The following FBP1 variants were observed in gnomAD, a reference collection of about 807,000 sequenced individuals.
FBP1 encodes the protein fructose-1,6-bisphosphatase 1.
Under a neutral mutation model 29.9 loss-of-function variants are expected in FBP1, and 22 were observed. That is an observed-to-expected ratio of 0.74 (90% CI 0.53 to 1.05). The LOEUF (loss-of-function observed/expected upper bound fraction) is 1.05, where lower values mean the gene tolerates loss of function less well. Ranked by LOEUF, FBP1 falls within the 50% of genes least tolerant of loss-of-function variation. FBP1 has a pLI of 0.00. For missense variants in FBP1, 345 were observed against 448.2 expected, an observed-to-expected ratio of 0.77 and a Z score of 2.08; for synonymous variants, 175 against 178.6, an observed-to-expected ratio of 0.98 and a Z score of 0.16.
chr9:94,639,217 T>A lies in FBP1; in HGVS notation c.94A>T (p.Thr32Ser). ...GRKARGTGEL[T>S]QLLNSLCTAV... The stretch of plus-strand genomic sequence containing the variant: ...GTGCAGAGCGAGTTGAGCAGCTGGG[T>A]CAACTCGCCCGTGCCGCGGGCCTTC... The change falls in exon 1 of 7, where the codon ACC becomes TCC. Residue 32 changes from threonine (T) to serine (S), a missense_variant. Transcript: ENST00000375326. 1 of 1,601,104 alleles carries A rather than the reference T, an allele frequency of 6.2e-7. No homozygotes were observed. The highest frequency in any genetic ancestry group is 1.1e-5 in the South Asian group (1 of 88,852).
intron 3 of FBP1, among the ~76,000 whole-genome samples, chr9:94,615,111 T>C (rs1408818031): frequency 6.6e-6 from 1 of 152,122 alleles, no homozygotes; most frequent in African/African-American, 2.4e-5. Context: ...GGTTTCACCG[T>C]GTTAGCCAGG....
intron 1 of FBP1, among the ~76,000 whole-genome samples, chr9:94,632,108 C>T (rs1163248137): frequency 1.3e-5 from 2 of 152,104 alleles, no homozygotes; most frequent in Non-Finnish European, 2.9e-5. Flanking sequence ...TAAGCCTAAA[C>T]GTGTATTAGC....
chr9:94,614,369 T>C (rs1436995784), intron 3 of FBP1, among the ~76,000 whole-genome samples: 2 of 151,110 alleles, frequency 1.3e-5, no homozygotes, highest in Non-Finnish European at 3.0e-5. Flanking sequence ...TGAAACCCCG[T>C]CTCTACTAAA....
chr9:94,621,398 A>AAAAAAAAAAAAAATATAT (rs58726402), intron 1 of FBP1, among the ~76,000 whole-genome samples: 1 of 146,158 alleles, frequency 6.8e-6, no homozygotes, highest in African/African-American at 2.6e-5. Context: ...TCCGTCTAAA[A>AAAAAAAAAAAAAATATAT]ATATATATAT....
chr9:94,639,989 C>T, upstream of FBP1: 1 of 159,766 alleles, frequency 6.3e-6, no homozygotes, highest in Non-Finnish European at 1.4e-5. Context: ...CTCTGCCTGG[C>T]CTGTCACCTG....
intron 3 of FBP1, among the ~76,000 whole-genome samples, chr9:94,616,281 G>T (rs903377807): frequency 3.3e-5 from 5 of 152,148 alleles, no homozygotes; most frequent in South Asian, 4.2e-4. Context: ...GACTTAGAAG[G>T]GGGTGATGGG....
chr9:94,604,486 TAA>T (rs5899226), intron 6 of FBP1, among the ~76,000 whole-genome samples: 1 of 143,450 alleles, frequency 7.0e-6, no homozygotes, highest in African/African-American at 2.6e-5. Context: ...CCTCTTGCAT[TAA>T]AAAAAAAAAA....
chr9:94,607,068 C>G, intron 4 of FBP1, 116 bp from the exon 5 acceptor site: 1 of 1,414,484 alleles, frequency 7.1e-7, no homozygotes. Context: ...CGCACGGGCA[C>G]CACTCATCTT....
intron 3 of FBP1, among the ~76,000 whole-genome samples, chr9:94,613,787 A>AG (rs1013696172): frequency 2.1e-5 from 3 of 145,360 alleles, no homozygotes; most frequent in Admixed American, 6.8e-5. Context: ...AAAAAGAAGA[A>AG]AAAAAAAAGG....
At chr9:94,628,076 G>A (rs921837384) in intron 1 of FBP1, among the ~76,000 whole-genome samples, 24 of 152,206 alleles carry the variant, frequency 1.6e-4, no homozygotes, top group Admixed American at 1.6e-3. Context: ...CCAAGGAAAT[G>A]TTTTCTGAAT....
At position 94,610,005 on chromosome 9, in the gene FBP1, C is replaced by T; in HGVS notation, c.483G>A (p.Val161=). ...KDALQPGRNL[V]AAGYALYGSA... ...TGCCATACAGTGCGTAGCCGGCTGCCACCAGGTTCCGGCCTGGTTGCAGAG... is the reference window on the plus strand; with the variant it reads ...TGCCATACAGTGCGTAGCCGGCTGCTACCAGGTTCCGGCCTGGTTGCAGAG... Residue 161 remains valine, a synonymous_variant, in exon 4 of 7, where the codon GTG becomes GTA. Coordinates refer to ENST00000375326, the MANE Select transcript of FBP1 (RefSeq NM_000507.4). 1 of 1,614,078 alleles carries T rather than the reference C, an allele frequency of 6.2e-7. No individual in the cohort carries two copies. Among genetic ancestry groups the T allele is most frequent in the Admixed American group, 1.7e-5 (1 of 60,034 alleles).
chr9:94,634,405 T>TG (rs1563989466), intron 1 of FBP1, among the ~76,000 whole-genome samples: 1 of 152,220 alleles, frequency 6.6e-6, no homozygotes, highest in Non-Finnish European at 1.5e-5. Flanking sequence ...TCTCGTCTTC[T>TG]GGAACTTTGT....
chr9:94,614,966 T>A (rs1164877082), intron 3 of FBP1, among the ~76,000 whole-genome samples: 1 of 152,162 alleles, frequency 6.6e-6, no homozygotes, highest in East Asian at 1.9e-4. Context: ...TGGAGTGCAG[T>A]GGTGCGATCT....
intron 1 of FBP1, among the ~76,000 whole-genome samples, chr9:94,623,772 T>C (rs577863406): frequency 6.6e-6 from 1 of 152,338 alleles, no homozygotes; most frequent in South Asian, 2.1e-4. Context: ...GGGGAACCGT[T>C]CTAGATGCTG....
chr9:94,617,669 A>G, intron 3 of FBP1, 99 bp downstream of exon 3: 1 of 786,640 alleles, frequency 1.3e-6, no homozygotes, highest in South Asian at 1.4e-5. Context: ...TCACAGTTTC[A>G]TGATCTCCAC....
intron 1 of FBP1, among the ~76,000 whole-genome samples, chr9:94,634,421 G>T (rs895373096): frequency 1.3e-5 from 2 of 152,110 alleles, no homozygotes; most frequent in African/African-American, 4.8e-5. Context: ...TTTGTACATG[G>T]TGGATGTTCA....
chr9:94,635,212 G>T (rs1828174804), intron 1 of FBP1, among the ~76,000 whole-genome samples: 1 of 152,170 alleles, frequency 6.6e-6, no homozygotes. Flanking sequence ...CTCCAATCCG[G>T]GGTTCCTGAG....
chr9:94,633,494 A>T (rs1219813889), intron 1 of FBP1, among the ~76,000 whole-genome samples: 1 of 152,120 alleles, frequency 6.6e-6, no homozygotes. Flanking sequence ...TTTCACATCC[A>T]CGAACGCCCT....
intron 2 of FBP1, among the ~76,000 whole-genome samples, chr9:94,619,397 T>G (rs536476216): frequency 1.3e-5 from 2 of 152,174 alleles, no homozygotes; most frequent in Non-Finnish European, 2.9e-5. Context: ...CCCATATAAC[T>G]GCACTTCTAA....
Sources: allele counts gnomAD v4.1 joint callset (sites outside exome capture counted in the v4.1 genomes callset), GRCh38; gene constraint gnomAD v4.1.1; transcripts MANE v1.5; gene names NCBI Gene and HGNC (gene_info 2026-07-23, HGNC 2026-07-21).